Variants in ARHGAP23 observed in about 807,000 individuals in gnomAD.
ARHGAP23 encodes the protein Rho GTPase activating protein 23.
Under a neutral mutation model 136.3 loss-of-function variants are expected in ARHGAP23, and 34 were observed. That is an observed-to-expected ratio of 0.25 (90% CI 0.19 to 0.33). The LOEUF (loss-of-function observed/expected upper bound fraction) is 0.33, where lower values mean the gene tolerates loss of function less well. Among genes scored for constraint, ARHGAP23 ranks in the 10% least tolerant of loss-of-function variants. ARHGAP23 has a pLI of 1.00. For synonymous variants in ARHGAP23, 832 were observed against 920.5 expected, an observed-to-expected ratio of 0.90 and a Z score of 1.74; for missense variants, 1,808 against 2,139.0, an observed-to-expected ratio of 0.85 and a Z score of 3.05.
intron 14 of ARHGAP23, among the ~76,000 whole-genome samples, 178 bp downstream of exon 14, chr17:38,480,061 C>T (rs1211794372): frequency 1.3e-5 from 2 of 152,020 alleles, no homozygotes; most frequent in Non-Finnish European, 2.9e-5. Context: ...CTCAGGGTCT[C>T]GGGGTGGAAG....
chr17:38,420,298 T>C (rs965450683), intron 1 of ARHGAP23, among the ~76,000 whole-genome samples: 3 of 152,194 alleles, frequency 2.0e-5, no homozygotes, highest in Non-Finnish European at 4.4e-5. Context: ...AGGGGTTGCC[T>C]TACTCCCTTC....
Position 38,511,043 on chromosome 17 carries a change from C to T in ARHGAP23, c.*71C>T. The stretch of plus-strand genomic sequence containing the variant: ...CTTTGGAACCAGGAGGCTTCACCAG[C>T]CTGCACCTCCTCTTCTGTGGCCCCT... On this transcript the variant is annotated 3_prime_UTR_variant, in exon 24 of 24. Transcript: ENST00000622683. The T allele has an allele frequency of 7.4e-7, 1 of 1,345,050 alleles. No individual in the cohort carries two copies. Among genetic ancestry groups the T allele is most frequent in the Non-Finnish European group, 9.6e-7 (1 of 1,046,146 alleles). 83.3% of individuals were successfully genotyped at this position (1,345,050 alleles called of 1,614,324 possible).
chr17:38,493,663 G>A (rs2040328122), intron 20 of ARHGAP23, among the ~76,000 whole-genome samples: 1 of 152,244 alleles, frequency 6.6e-6, no homozygotes, highest in Non-Finnish European at 1.5e-5. Context: ...TGCCAGCTCT[G>A]TCTAGCCTGG....
chr17:38,466,098 C>T (rs558260209), intron 6 of ARHGAP23, 69 bp from the exon 7 acceptor site: 241 of 1,342,312 alleles, frequency 1.8e-4, no homozygotes, highest in East Asian at 9.8e-4. Context: ...TTGACCTCCT[C>T]GGGCTGCCGT....
At chr17:38,491,362 C>A (rs1421126291) in intron 19 of ARHGAP23, 45 bp from the exon 20 acceptor site, 2 of 1,549,056 alleles carry the variant, frequency 1.3e-6, no homozygotes, top group Admixed American at 3.9e-5. Context: ...TGAGGGAGGA[C>A]TGAGGTCAGG....
chr17:38,450,529 T>C (rs1180956650), intron 1 of ARHGAP23: 2 of 152,174 alleles, frequency 1.3e-5, no homozygotes, highest in East Asian at 3.9e-4. Flanking sequence ...CACCTAAGCC[T>C]CCTGAGTAGC....
intron 11 of ARHGAP23, among the ~76,000 whole-genome samples, chr17:38,473,511 A>G (rs553633137): frequency 5.3e-5 from 8 of 152,150 alleles, no homozygotes; most frequent in African/African-American, 1.9e-4. Context: ...TCTGTGGAGA[A>G]TGACTAAGGC....
At chr17:38,446,501 C>T (rs2039037355) in intron 1 of ARHGAP23, among the ~76,000 whole-genome samples, 1 of 152,032 alleles carries the variant, frequency 6.6e-6, no homozygotes, top group South Asian at 2.1e-4. Flanking sequence ...GTGAATAACA[C>T]TGCTACAAAC....
At chr17:38,489,579 C>T (rs1040410618) in intron 17 of ARHGAP23, among the ~76,000 whole-genome samples, 1 of 152,190 alleles carries the variant, frequency 6.6e-6, no homozygotes, top group African/African-American at 2.4e-5. Context: ...AGGGCAGATC[C>T]TCCCGCGTTA....
intron 6 of ARHGAP23, among the ~76,000 whole-genome samples, chr17:38,465,454 AG>A (rs1404085433): frequency 2.6e-5 from 4 of 152,156 alleles, no homozygotes; most frequent in African/African-American, 9.7e-5. Flanking sequence ...AGCAGGGGCC[AG>A]GCTGGGCCCA....
chr17:38,472,329 G>A (rs1252442360), intron 11 of ARHGAP23, among the ~76,000 whole-genome samples: 2 of 152,178 alleles, frequency 1.3e-5, no homozygotes, highest in African/African-American at 4.8e-5. Flanking sequence ...AAAACAAGGA[G>A]CAAGGCCGGG....
chr17:38,479,762 T>C lies in ARHGAP23; in HGVS notation c.2508T>C (p.Ser836=), dbSNP rs1261200720. Residue 836 remains serine (S), a synonymous_variant, in exon 14 of 24, where the codon TCT becomes TCC. Transcript: ENST00000622683. The stretch of plus-strand genomic sequence containing the variant: ...CCTTTTTCCTACACAGCCATAGCTC[T>C]GGGCCCAAAGCTGATTCCTCCCCCA... ...LNDYRKVSHS[S]GPKADSSPKG... 12 of 1,488,276 alleles carry C rather than the reference T, an allele frequency of 8.1e-6. No homozygotes were observed. The highest frequency in any genetic ancestry group is 1.4e-5 in the African/African-American group (1 of 71,000). 92.2% of individuals were successfully genotyped at this position (1,488,276 alleles called of 1,614,324 possible).
At chr17:38,499,327 C>T (rs1386831102) in intron 22 of ARHGAP23, among the ~76,000 whole-genome samples, 3 of 152,224 alleles carry the variant, frequency 2.0e-5, no homozygotes, top group Non-Finnish European at 4.4e-5. Context: ...AGAAGCTTCT[C>T]TTTATCTCTA....
rs940091029 is a variant in ARHGAP23, at chr17:38,511,220, G to A, written c.*248G>A. On this transcript the variant is annotated 3_prime_UTR_variant, in exon 24 of 24. Coordinates refer to ENST00000622683, the MANE Select transcript of ARHGAP23 (RefSeq NM_001199417.2). ...AGAAGAGGAGGGGGCGTGGGCTGCT[G>A]GGGTCTGTGTCCCTGCACACATGCG... is the stretch of plus-strand genomic sequence containing the variant. 2.1e-5 allele frequency: 10 copies of A among 469,268 alleles called. No individual in the cohort carries two copies. Among genetic ancestry groups the A allele is most frequent in the Non-Finnish European group, 3.7e-5 (10 of 272,778 alleles). The allele number at this position is 469,268 out of a possible 1,614,324, so 29.1% of individuals were successfully genotyped here.
At chr17:38,423,218 T>C (rs1424150992) in intron 1 of ARHGAP23, among the ~76,000 whole-genome samples, 1 of 151,314 alleles carries the variant, frequency 6.6e-6, no homozygotes, top group Non-Finnish European at 1.5e-5. Flanking sequence ...TTTGAGACGA[T>C]GTTCTGCTCT....
chr17:38,461,274 G>A (rs1250914701), intron 3 of ARHGAP23, among the ~76,000 whole-genome samples: 2 of 152,238 alleles, frequency 1.3e-5, no homozygotes, highest in Non-Finnish European at 2.9e-5. Context: ...GAACAAGGCA[G>A]GGCAGGGCTG....
Position 38,510,928 on chromosome 17 carries a change from C to A in ARHGAP23, c.4432C>A (p.Pro1478Thr). 1 of 1,472,792 alleles carries A rather than the reference C, an allele frequency of 6.8e-7. No homozygotes were observed. Among genetic ancestry groups the A allele is most frequent in the Non-Finnish European group, 8.9e-7 (1 of 1,123,320 alleles). 91.2% of individuals were successfully genotyped at this position (1,472,792 alleles called of 1,614,324 possible). A position where few individuals can be genotyped will look rare whatever the true frequency, so the allele number is the denominator to read the frequency against. The change falls in exon 24 of 24, where the codon CCC (proline) becomes ACC (threonine). Residue 1478 changes from proline to threonine, a missense_variant. Pro to Thr is a conservative substitution (Grantham distance 38). Coordinates refer to ENST00000622683, the MANE Select transcript of ARHGAP23 (RefSeq NM_001199417.2). This position sits in a 1 kb window ranked among gnomAD's most constrained non-coding sequence, Gnocchi z 4.6. ...PGDTGSLQSQPPRRSAASRLH... is the reference protein window; with the variant it reads ...PGDTGSLQSQTPRRSAASRLH... The stretch of plus-strand genomic sequence containing the variant: ...GGACACGGGGTCCCTGCAGAGCCAG[C>A]CCCCGCGCCGCTCGGCCGCCTCCCG...
chr17:38,482,159 A>T lies in ARHGAP23; in HGVS notation c.2751+16A>T. The T allele has an allele frequency of 6.5e-7, 1 of 1,546,058 alleles. No individual in the cohort carries two copies. The highest frequency in any genetic ancestry group is 8.7e-7 in the Non-Finnish European group (1 of 1,145,612). ...GGAGAACCAGGTGAGTCTCTGCCAC[A>T]CGCCAGAGCAGGCCCAGCAGGGGGA... is the stretch of plus-strand genomic sequence containing the variant. On this transcript the variant is annotated intron_variant, in intron 15 of 23. Transcript: ENST00000622683.
At chr17:38,459,489 A>G (rs1465527033) in intron 2 of ARHGAP23, among the ~76,000 whole-genome samples, 1 of 152,158 alleles carries the variant, frequency 6.6e-6, no homozygotes, top group Non-Finnish European at 1.5e-5. Flanking sequence ...ACAGACCCCT[A>G]CTTCATGCCC....
Sources: gnomAD v4.1 joint callset for allele counts (sites outside exome capture counted in the v4.1 genomes callset) on GRCh38, gnomAD v4.1.1 for gene constraint, Gnocchi (gnomAD v3.1) non-coding constraint, MANE v1.5 for transcripts, NCBI Gene and HGNC (gene_info 2026-07-23, HGNC 2026-07-21) for gene names.